The following SEPTIN9 variants were observed in gnomAD, a reference collection of about 807,000 sequenced individuals.
The protein encoded by SEPTIN9 is septin 9.
A neutral mutation model predicts 56.6 loss-of-function variants in SEPTIN9; 13 were observed. The ratio of observed to expected loss-of-function variants is 0.23; its 90% CI spans 0.15 to 0.37. SEPTIN9 has a LOEUF of 0.37. Ranked by LOEUF, SEPTIN9 falls within the 10% of genes least tolerant of loss-of-function variation. The pLI, the probability that SEPTIN9 is intolerant of heterozygous loss-of-function variation, is 1.00. For missense variants in SEPTIN9, 650 were observed against 823.1 expected (o/e 0.79, Z 2.57); for synonymous variants, 332 against 334.1 (o/e 0.99, Z 0.07).
At position 77,405,441 on chromosome 17, in the gene SEPTIN9, G is replaced by T. The variant is rs2036034521; in HGVS notation, c.721+2738G>T. ...AACCTGGCGCTCTGGGGGGACGGTG[G>T]CTTTCTCCATGGAATAGGATGTACA... On this transcript the variant is annotated intron_variant, in intron 3 of 11. Coordinates refer to ENST00000427177, the MANE Select transcript of SEPTIN9 (RefSeq NM_001113491.2). The surrounding 1 kb of genome is among the most constrained non-coding windows in gnomAD (Gnocchi z 5.8). 6.6e-6 allele frequency among the ~76,000 whole-genome samples: 1 copy of T among 152,194 alleles called. No homozygotes were observed. Among genetic ancestry groups the T allele is most frequent in the South Asian group, 2.1e-4 (1 of 4,832 alleles).
chr17:77,388,911 C>G (rs982486215), intron 2 of SEPTIN9, among the ~76,000 whole-genome samples: 1 of 150,288 alleles, frequency 6.7e-6, no homozygotes, highest in African/African-American at 2.5e-5. Context: ...CTTCTCTGCC[C>G]AGGCAGATCA....
intron 3 of SEPTIN9, among the ~76,000 whole-genome samples, chr17:77,406,891 G>C (rs914047721): frequency 6.6e-6 from 1 of 151,890 alleles, no homozygotes; most frequent in Non-Finnish European, 1.5e-5. Context: ...GGCTGGTCTC[G>C]AACTCCTGAC....
At chr17:77,440,586 G>A (rs1299164702) in intron 3 of SEPTIN9, among the ~76,000 whole-genome samples, 3 of 152,178 alleles carry the variant, frequency 2.0e-5, no homozygotes, top group East Asian at 1.9e-4. Context: ...AATTCAGAGC[G>A]GCCTGCGTCC....
chr17:77,482,510 C>T (rs191901790), intron 4 of SEPTIN9, 175 bp downstream of exon 4: 2 of 742,860 alleles, frequency 2.7e-6, no homozygotes, highest in Non-Finnish European at 4.7e-6. Context: ...TGGGAGGAGC[C>T]CACAGCCTCC....
chr17:77,303,688 GTAATAATAATAA>G (rs113943617), intron 1 of SEPTIN9, among the ~76,000 whole-genome samples: 1 of 150,662 alleles, frequency 6.6e-6, no homozygotes, highest in African/African-American at 2.4e-5. Context: ...CTCAAAAGTA[GTAATAATAATAA>G]TAATAATAAT....
In SEPTIN9 at chr17:77,445,379, T is replaced by C. The variant is rs752760889; in HGVS notation, c.722-36765T>C. 4.3e-5 allele frequency: 20 copies of C among 466,404 alleles called. No individual in the cohort carries two copies. Among genetic ancestry groups the C allele is most frequent in the African/African-American group, 1.8e-4 (9 of 50,088 alleles). 28.9% of individuals were successfully genotyped at this position (466,404 alleles called of 1,614,324 possible). A position where few individuals can be genotyped will look rare whatever the true frequency, so the allele number is the denominator to read the frequency against. On this transcript the variant is annotated intron_variant, in intron 3 of 11. Coordinates refer to ENST00000427177, the MANE Select transcript of SEPTIN9 (RefSeq NM_001113491.2). The surrounding 1 kb of genome is among the most constrained non-coding windows in gnomAD (Gnocchi z 4.7). ...GATGGGAAGCATCTGCTGCATCCCA[T>C]TGGGGTGTTGCCCAGGATGGATTGG...
At chr17:77,288,207 C>T in intron 1 of SEPTIN9, 6 of 1,051,724 alleles carry the variant, frequency 5.7e-6, no homozygotes, top group African/African-American at 1.7e-5. Flanking sequence ...CAGTCTCTGT[C>T]CAGGTGGGTG....
chr17:77,493,315 C>T, intron 10 of SEPTIN9: 1 of 545,494 alleles, frequency 1.8e-6, no homozygotes, highest in East Asian at 3.1e-5. Flanking sequence ...TTCAGGGAGA[C>T]AGGAGCTGGG....
Position 77,445,248 on chromosome 17 carries a change from C to T in SEPTIN9, c.722-36896C>T, listed in dbSNP as rs1260911379. On this transcript the variant is annotated intron_variant, in intron 3 of 11. Transcript: ENST00000427177. This position sits in a 1 kb window ranked among gnomAD's most constrained non-coding sequence, Gnocchi z 4.7. ...CGTCACAGCTACAAATGCATACCAG[C>T]CCTCAGAACCACATTCCTGCTCCCC... The T allele has an allele frequency of 2.1e-6, 1 of 470,520 alleles. No individual in the cohort carries two copies. The highest frequency in any genetic ancestry group is 7.0e-5 in the East Asian group (1 of 14,388). 29.1% of individuals were successfully genotyped at this position (470,520 alleles called of 1,614,324 possible).
At chr17:77,390,923 T>C (rs11869293) in intron 2 of SEPTIN9, among the ~76,000 whole-genome samples, 2,213 of 152,226 alleles carry the variant, frequency 0.015, 39 homozygotes, top group African/African-American at 0.051. Flanking sequence ...GGACAACAGA[T>C]GTGAGCTGGG....
intron 2 of SEPTIN9, among the ~76,000 whole-genome samples, chr17:77,383,177 C>T (rs957610815): frequency 6.8e-5 from 2 of 29,488 alleles, no homozygotes; most frequent in South Asian, 2.5e-3. Context: ...TCTCTCCCTC[C>T]CTCCTTCTCT....
chr17:77,351,365 G>A (rs2034059772), intron 2 of SEPTIN9, among the ~76,000 whole-genome samples: 1 of 152,164 alleles, frequency 6.6e-6, no homozygotes, highest in African/African-American at 2.4e-5. Context: ...AGAAAACCAT[G>A]TTTTTGTTGC....
chr17:77,415,514 G>A (rs2036468411), intron 3 of SEPTIN9, among the ~76,000 whole-genome samples: 1 of 152,022 alleles, frequency 6.6e-6, no homozygotes, highest in Non-Finnish European at 1.5e-5. Context: ...GGCTGAGGCA[G>A]GAGAATCTGC....
rs529791394 is a variant in SEPTIN9, at chr17:77,383,714, G to A, written c.77-18345G>A. 4.9e-4 allele frequency among the ~76,000 whole-genome samples: 75 copies of A among 152,324 alleles called. 1 individual carries two copies. The highest frequency in any genetic ancestry group is 3.5e-3 in the Admixed American group (53 of 15,306). ...TGGGAGGCGTGGGAGAGGGTGCACG[G>A]AGGGGCTGAGCGAGGTGTCAGCATC... is the stretch of plus-strand genomic sequence containing the variant. On this transcript the variant is annotated intron_variant, in intron 2 of 11. Transcript: ENST00000427177.
intron 2 of SEPTIN9, chr17:77,376,270 A>C: frequency 1.0e-6 from 1 of 985,998 alleles, no homozygotes; most frequent in Non-Finnish European, 1.2e-6. Context: ...AGGGCCAGGC[A>C]TGCCCGCCGG....
intron 1 of SEPTIN9, among the ~76,000 whole-genome samples, chr17:77,298,793 G>A (rs1386569863): frequency 1.3e-5 from 2 of 152,200 alleles, no homozygotes; most frequent in African/African-American, 4.8e-5. Flanking sequence ...CAATACACAG[G>A]CTGACTTTAT....
At chr17:77,409,290 A>AGG (rs34148977) in intron 3 of SEPTIN9, among the ~76,000 whole-genome samples, 59,371 of 151,748 alleles carry the variant, frequency 0.39, 12,364 homozygotes, top group African/African-American at 0.49. Context: ...GGGGAACAGG[A>AGG]ATCAATGCGG....
At chr17:77,281,850 C>T (rs978729104) in intron 1 of SEPTIN9, 11 of 436,238 alleles carry the variant, frequency 2.5e-5, no homozygotes, top group Non-Finnish European at 4.5e-5. Flanking sequence ...CTTTCCAGGT[C>T]GGCCGGGTGC....
chr17:77,394,852 AC>A (rs2035652439), intron 2 of SEPTIN9, among the ~76,000 whole-genome samples: 1 of 151,652 alleles, frequency 6.6e-6, no homozygotes, highest in Admixed American at 6.6e-5. Flanking sequence ...TCCTGTTTCG[AC>A]CCCGCCATGG....
Sources: allele counts gnomAD v4.1 joint callset (sites outside exome capture counted in the v4.1 genomes callset), GRCh38; gene constraint gnomAD v4.1.1; non-coding constraint Gnocchi (gnomAD v3.1); transcripts MANE v1.5; gene names NCBI Gene and HGNC (gene_info 2026-07-23, HGNC 2026-07-21).